Variants in CA10 observed in about 807,000 individuals in gnomAD.
CA10 encodes the protein carbonic anhydrase-related protein 10.
Under a neutral mutation model 44.2 loss-of-function variants are expected in CA10, and 14 were observed. The ratio of observed to expected loss-of-function variants is 0.32; its 90% CI spans 0.21 to 0.50. The LOEUF (loss-of-function observed/expected upper bound fraction) is 0.50, where lower values mean the gene tolerates loss of function less well. CA10 is among the 20% of genes least tolerant of loss of function. The pLI, the probability that CA10 is intolerant of heterozygous loss-of-function variation, is 0.99. For synonymous variants in CA10, 159 were observed against 141.6 expected, an observed-to-expected ratio of 1.12 and a Z score of -0.87; for missense variants, 350 against 409.7, an observed-to-expected ratio of 0.85 and a Z score of 1.26.
At chr17:52,050,159 C>A (rs759782861) in intron 2 of CA10, among the ~76,000 whole-genome samples, 1 of 152,198 alleles carries the variant, frequency 6.6e-6, no homozygotes, top group East Asian at 1.9e-4. Flanking sequence ...CCACCCCAAA[C>A]CTGAATCACC....
At chr17:51,935,398 T>C (rs1411912109) in intron 2 of CA10, among the ~76,000 whole-genome samples, 1 of 152,178 alleles carries the variant, frequency 6.6e-6, no homozygotes, top group East Asian at 1.9e-4. Flanking sequence ...TAAAGCAAAA[T>C]AGAGTAAGAA....
intron 3 of CA10, among the ~76,000 whole-genome samples, chr17:51,905,673 TA>T (rs1297396393): frequency 6.6e-6 from 1 of 151,952 alleles, no homozygotes; most frequent in Non-Finnish European, 1.5e-5. Flanking sequence ...TGAATCTGGA[TA>T]AAGATATACA....
intron 2 of CA10, among the ~76,000 whole-genome samples, chr17:51,952,897 A>G (rs1242145394): frequency 6.6e-6 from 1 of 152,156 alleles, no homozygotes; most frequent in Non-Finnish European, 1.5e-5. Context: ...AAACCCATCC[A>G]GAGACTTATG....
intron 2 of CA10, among the ~76,000 whole-genome samples, chr17:52,022,874 A>C (rs999107248): frequency 4.6e-5 from 7 of 152,008 alleles, no homozygotes; most frequent in African/African-American, 7.2e-5. Context: ...ACAACAACAA[A>C]AAAATACCTA....
intron 4 of CA10, among the ~76,000 whole-genome samples, chr17:51,715,226 G>GGA (rs1916063946): frequency 1.3e-5 from 2 of 152,044 alleles, no homozygotes; most frequent in African/African-American, 4.8e-5. Flanking sequence ...TGGGGTGGGG[G>GGA]GTGGAGGGAG....
At chr17:51,925,522 T>TA (rs1982395448) in intron 3 of CA10, among the ~76,000 whole-genome samples, 1 of 151,748 alleles carries the variant, frequency 6.6e-6, no homozygotes, top group Non-Finnish European at 1.5e-5. Context: ...AGCCACTGTG[T>TA]AAAAAAGTGT....
chr17:51,652,679 C>T (rs144482690), intron 5 of CA10, among the ~76,000 whole-genome samples: 134 of 152,132 alleles, frequency 8.8e-4, no homozygotes, highest in African/African-American at 2.9e-3. Flanking sequence ...TTTGTGGGGG[C>T]GGGGAGAGGG....
chr17:51,692,246 T>TA (rs1915222431), intron 4 of CA10, among the ~76,000 whole-genome samples: 1 of 151,090 alleles, frequency 6.6e-6, no homozygotes, highest in Non-Finnish European at 1.5e-5. Flanking sequence ...GTTTTTTTTT[T>TA]TTTTTTGGTA....
At chr17:51,816,598 C>A (rs1454014064) in intron 3 of CA10, among the ~76,000 whole-genome samples, 1 of 152,040 alleles carries the variant, frequency 6.6e-6, no homozygotes, top group African/African-American at 2.4e-5. Context: ...TATTGGTATC[C>A]ACAACTAATT....
chr17:51,805,900 G>A (rs1907113911), intron 3 of CA10, among the ~76,000 whole-genome samples: 1 of 152,224 alleles, frequency 6.6e-6, no homozygotes, highest in Non-Finnish European at 1.5e-5. Flanking sequence ...GAGGAAGACA[G>A]TGGTGAAGTT....
chr17:52,057,200 G>A (rs1248933207), intron 2 of CA10, among the ~76,000 whole-genome samples: 1 of 151,916 alleles, frequency 6.6e-6, no homozygotes, highest in Admixed American at 6.6e-5. Flanking sequence ...TACGTAGGTC[G>A]ACTTATACAC....
chr17:51,980,310 T>C lies in CA10; in HGVS notation c.137-49178A>G, dbSNP rs540922739. On this transcript the variant is annotated intron_variant, in intron 2 of 8. Transcript: ENST00000451037. ...TGTTGATCTTTTATTCACATGATTG[T>C]TGGCTGTATGTGTGTCTTCTTTTGA... is the stretch of plus-strand genomic sequence containing the variant. 8.5e-5 allele frequency among the ~76,000 whole-genome samples: 13 copies of C among 152,316 alleles called. No homozygotes were observed. In the South Asian group the frequency reaches 2.7e-3, roughly 32 times the overall value.
intron 1 of CA10, among the ~76,000 whole-genome samples, chr17:52,087,913 T>G (rs1988161049): frequency 6.6e-6 from 1 of 152,318 alleles, no homozygotes; most frequent in Admixed American, 6.5e-5. Flanking sequence ...ACCAAATTGC[T>G]GCTCTATCAA....
chr17:51,843,604 G>T (rs1354744280), intron 3 of CA10, among the ~76,000 whole-genome samples: 2 of 152,124 alleles, frequency 1.3e-5, no homozygotes, highest in Non-Finnish European at 2.9e-5. Flanking sequence ...CAGTGAAGAA[G>T]TTCATGACTC....
chr17:52,145,646 C>G (rs1989566952), intron 1 of CA10, among the ~76,000 whole-genome samples: 1 of 152,176 alleles, frequency 6.6e-6, no homozygotes, highest in Admixed American at 6.5e-5. Flanking sequence ...TCTGATCTAA[C>G]TTGTTATGCA....
intron 2 of CA10, among the ~76,000 whole-genome samples, chr17:51,967,172 A>G (rs1225427381): frequency 2.6e-5 from 4 of 151,756 alleles, no homozygotes; most frequent in Non-Finnish European, 5.9e-5. Context: ...GGCTACTATT[A>G]AAAAGCCAAA....
chr17:51,884,259 T>C (rs1805575299), intron 3 of CA10, among the ~76,000 whole-genome samples: 1 of 152,192 alleles, frequency 6.6e-6, no homozygotes, highest in African/African-American at 2.4e-5. Context: ...CACAGAGTGA[T>C]GCTGTAAAAC....
chr17:51,873,268 G>A (rs562216768), intron 3 of CA10, among the ~76,000 whole-genome samples: 2 of 152,284 alleles, frequency 1.3e-5, no homozygotes, highest in Admixed American at 6.5e-5. Flanking sequence ...ATGACAATGA[G>A]GATAGACAAC....
chr17:51,864,767 A>G (rs976562218), intron 3 of CA10, among the ~76,000 whole-genome samples: 6 of 152,162 alleles, frequency 3.9e-5, no homozygotes, highest in African/African-American at 1.4e-4. Flanking sequence ...CCACTCCATT[A>G]CTTATTATTA....
Sources: gnomAD v4.1 joint callset for allele counts (sites outside exome capture counted in the v4.1 genomes callset) on GRCh38, gnomAD v4.1.1 for gene constraint, MANE v1.5 for transcripts, NCBI Gene and HGNC (gene_info 2026-07-23, HGNC 2026-07-21) for gene names.